P3H1: variants seen among roughly 807,000 people sequenced by gnomAD.
P3H1 encodes the protein prolyl 3-hydroxylase 1.
In P3H1, 69 loss-of-function variants were observed where a neutral mutation model predicts 84.0. The ratio of observed to expected loss-of-function variants is 0.82; its 90% CI spans 0.68 to 1.00. The LOEUF (loss-of-function observed/expected upper bound fraction) is 1.00, where lower values mean the gene tolerates loss of function less well. Among genes scored for constraint, P3H1 ranks in the 50% least tolerant of loss-of-function variants. P3H1 has a pLI of 0.00. For synonymous variants in P3H1, 366 were observed against 388.8 expected (o/e 0.94, Z 0.69); for missense variants, 878 against 962.8 (o/e 0.91, Z 1.17).
At chr1:42,746,950 A>G in intron 14 of P3H1, 98 bp from the exon 15 acceptor site, 2 of 1,614,148 alleles carry the variant, frequency 1.2e-6, no homozygotes, top group South Asian at 2.2e-5. Context: ...AGGTTCCTTA[A>G]TGGCCCCAGG....
intron 12 of P3H1, 70 bp downstream of exon 12, chr1:42,748,130 G>T: frequency 8.9e-7 from 1 of 1,120,064 alleles, no homozygotes; most frequent in South Asian, 1.2e-5. Flanking sequence ...TGGGGTAGTA[G>T]AGTGCAGGGC....
chr1:42,765,080 A>AGGAT (rs1652918507), intron 1 of P3H1, among the ~76,000 whole-genome samples: 1 of 152,226 alleles, frequency 6.6e-6, no homozygotes, highest in Admixed American at 6.5e-5. Context: ...CCCAAATCTG[A>AGGAT]GGATGGCTCC....
At chr1:42,762,164 A>C in intron 2 of P3H1, 159 bp downstream of exon 2, 1 of 692,110 alleles carries the variant, frequency 1.4e-6, no homozygotes, top group Non-Finnish European at 2.5e-6. Context: ...CCAACTACTC[A>C]GGAGGCCGAG....
rs1651718272 is a variant in P3H1 at position 42,746,573 on chromosome 1, G to T, written c.*124C>A. Reference sequence around the variant, plus strand: ...CACCATGTAGAAGGCTGTGAGCAGGGTCCCCTCGGCTGAGTGGCAGATGTA... The same window carrying T: ...CACCATGTAGAAGGCTGTGAGCAGGTTCCCCTCGGCTGAGTGGCAGATGTA... On this transcript the variant is annotated 3_prime_UTR_variant, in exon 15 of 15. Coordinates refer to ENST00000296388, the MANE Select transcript of P3H1 (RefSeq NM_022356.4). The T allele has an allele frequency of 2.6e-6, 2 of 759,990 alleles. No homozygotes were observed. The highest frequency in any genetic ancestry group is 4.5e-6 in the Non-Finnish European group (2 of 444,542). The allele number at this position is 759,990 out of a possible 1,614,324, so 47.1% of individuals were successfully genotyped here.
chr1:42,755,394 C>T (rs1652341291), intron 6 of P3H1, among the ~76,000 whole-genome samples, 154 bp downstream of exon 6: 1 of 152,128 alleles, frequency 6.6e-6, no homozygotes, highest in Non-Finnish European at 1.5e-5. Context: ...GTTCCCCTTT[C>T]ATCTGTCTCT....
intron 1 of P3H1, among the ~76,000 whole-genome samples, chr1:42,763,532 C>G (rs993186568): frequency 6.6e-6 from 1 of 151,318 alleles, no homozygotes; most frequent in Non-Finnish European, 1.5e-5. Context: ...ATTAGCTGGG[C>G]GTTGTGGCGC....
intron 1 of P3H1, 65 bp from the exon 2 acceptor site, chr1:42,762,540 T>A: frequency 1.3e-6 from 2 of 1,564,282 alleles, no homozygotes; most frequent in Admixed American, 1.7e-5. Context: ...TGTGTCCACA[T>A]GAGCAGTCCA....
rs749988731 is a variant in P3H1 at position 42,758,842 on chromosome 1, T to C, written c.940+10A>G. 1.2e-6 allele frequency: 2 copies of C among 1,614,136 alleles called. No homozygotes were observed. Among genetic ancestry groups the C allele is most frequent in the East Asian group, 4.5e-5 (2 of 44,878 alleles). ...GCCAGCAGAGAAAGAGGAAGGAAAG[T>C]AGGCCTTACTGTTATAGTAGGCAAA... On this transcript the variant is annotated intron_variant, in intron 4 of 14. Coordinates refer to ENST00000296388, the MANE Select transcript of P3H1 (RefSeq NM_022356.4).
At chr1:42,750,886 C>T (rs1570460718) in intron 10 of P3H1, among the ~76,000 whole-genome samples, 1 of 149,494 alleles carries the variant, frequency 6.7e-6, no homozygotes, top group Non-Finnish European at 1.5e-5. Context: ...GCCCGGCTGC[C>T]CCTACTGGGA....
intron 13 of P3H1, 148 bp from the exon 14 acceptor site, chr1:42,747,560 G>A: frequency 9.1e-7 from 1 of 1,100,182 alleles, no homozygotes; most frequent in Non-Finnish European, 1.4e-6. Flanking sequence ...AAGGGTGACT[G>A]GTTAGAGGAG....
intron 11 of P3H1, 73 bp downstream of exon 11, chr1:42,750,111 CTG>C (rs1651945757): frequency 5.9e-6 from 9 of 1,537,492 alleles, no homozygotes; most frequent in Admixed American, 1.9e-5. Flanking sequence ...CCTGTTCTCT[CTG>C]TGTCTTCAGC....
Position 42,746,553 on chromosome 1 carries a change from T to G in P3H1, c.*144A>C. 1.5e-6 allele frequency: 1 copy of G among 682,406 alleles called. No homozygotes were observed. The allele number at this position is 682,406 out of a possible 1,614,324, so 42.3% of individuals were successfully genotyped here. On this transcript the variant is annotated 3_prime_UTR_variant, in exon 15 of 15. Transcript: ENST00000296388. Reference sequence around the variant, plus strand: ...GTCCACTCCAAGAGCAGTAGCACCATGTAGAAGGCTGTGAGCAGGGTCCCC... The same window carrying G: ...GTCCACTCCAAGAGCAGTAGCACCAGGTAGAAGGCTGTGAGCAGGGTCCCC...
chr1:42,767,028 C>A lies in P3H1; in HGVS notation c.-57G>T, dbSNP rs190782130. The A allele has an allele frequency of 1.2e-3, 1,926 of 1,575,148 alleles. 37 individuals carry two copies. The East Asian group carries it at 0.035, about 29-fold the overall frequency. On this transcript the variant is annotated 5_prime_UTR_variant, in exon 1 of 15. Transcript: ENST00000296388. ...ACCCGCCACCAAGGCCGGAGTCCTA[C>A]CCCCGGCGAAGGCCCGCCCCCGGGC...
At position 42,759,292 on chromosome 1, in the gene P3H1, A is replaced by T; in HGVS notation, c.717T>A (p.Tyr239Ter). The change falls in exon 3 of 15, where the codon TAT becomes TAA. Residue 239 changes from tyrosine (Y) to a stop codon, truncating the protein, a stop_gained. Coordinates refer to ENST00000296388, the MANE Select transcript of P3H1 (RefSeq NM_022356.4). LOFTEE classifies it high-confidence loss of function. ...CTTCGCAGAGGGCACGGCACTCCTCATAGGCCACAAAGTATTCTTGCAGCG... is the reference window on the plus strand; with the variant it reads ...CTTCGCAGAGGGCACGGCACTCCTCTTAGGCCACAAAGTATTCTTGCAGCG... ...EAALQEYFVA[Y>*]EECRALCEGP... 2 of 1,614,170 alleles carry T rather than the reference A, an allele frequency of 1.2e-6. No homozygotes were observed. The highest frequency in any genetic ancestry group is 1.7e-6 in the Non-Finnish European group (2 of 1,180,022).
At position 42,746,808 on chromosome 1, in the gene P3H1, TG is replaced by T; in HGVS notation, c.2099del (p.Pro700GlnfsTer48). ...ADDLVKMLFS[P>X]EEMDLSQEQP... ...GCTCCTGGGAGAGGTCCATCTCTTCTGGGCTGAAGAGCATCTTCACCAGGTC... is the reference window on the plus strand; with the variant it reads ...GCTCCTGGGAGAGGTCCATCTCTTCTGGCTGAAGAGCATCTTCACCAGGTC... On this transcript the variant is annotated frameshift_variant, in exon 15 of 15. Coordinates refer to ENST00000296388, the MANE Select transcript of P3H1 (RefSeq NM_022356.4). LOFTEE classifies it low-confidence loss of function (END_TRUNC). 3.1e-6 allele frequency: 5 copies of T among 1,600,638 alleles called. No homozygotes were observed. The highest frequency in any genetic ancestry group is 3.4e-6 in the Non-Finnish European group (4 of 1,173,742).
At chr1:42,750,443 G>T (rs532370928) in intron 10 of P3H1, 107 bp from the exon 11 acceptor site, 3 of 1,267,896 alleles carry the variant, frequency 2.4e-6, no homozygotes. Context: ...ATGTGTTGTG[G>T]AAGGGACCTG....
intron 12 of P3H1, 68 bp downstream of exon 12, chr1:42,748,132 G>C: frequency 8.6e-7 from 1 of 1,160,088 alleles, no homozygotes; most frequent in South Asian, 1.2e-5. Flanking sequence ...GGGTAGTAGA[G>C]TGCAGGGCAC....
Position 42,747,278 on chromosome 1 carries a change from G to A in P3H1, c.2049C>T (p.Ser683=), listed in dbSNP as rs1235213629. Residue 683 remains serine, a synonymous_variant, in exon 14 of 15, where the codon AGC becomes AGT. Coordinates refer to ENST00000296388, the MANE Select transcript of P3H1 (RefSeq NM_022356.4). ...ALWFTLDPRH[S]ERDRVQADDL... ...CCGCTCGAGCTGCTCTCACCCGCTC[G>A]CTGTGTCGAGGGTCCAGGGTGAACC... 1.2e-6 allele frequency: 2 copies of A among 1,613,986 alleles called. No individual in the cohort carries two copies. The highest frequency in any genetic ancestry group is 1.3e-5 in the African/African-American group (1 of 75,050).
chr1:42,758,332 T>G (rs1199598969), intron 4 of P3H1, among the ~76,000 whole-genome samples: 1 of 152,236 alleles, frequency 6.6e-6, no homozygotes, highest in African/African-American at 2.4e-5. Flanking sequence ...AAGATTACAA[T>G]AGCAGATTGT....
Sources: gnomAD v4.1 joint callset for allele counts (sites outside exome capture counted in the v4.1 genomes callset) on GRCh38, gnomAD v4.1.1 for gene constraint, MANE v1.5 for transcripts, NCBI Gene and HGNC (gene_info 2026-07-23, HGNC 2026-07-21) for gene names.